Variants in PRKG1 observed in about 807,000 individuals in gnomAD.
PRKG1 encodes cGMP-dependent protein kinase 1.
PRKG1 carries 35 observed loss-of-function variants against 88.1 expected under a neutral mutation model. The ratio of observed to expected loss-of-function variants is 0.40; its 90% CI spans 0.30 to 0.53. The LOEUF (loss-of-function observed/expected upper bound fraction) is 0.53. Ranked by LOEUF, PRKG1 falls within the 20% of genes least tolerant of loss-of-function variation. PRKG1 has a pLI of 0.59. For missense variants in PRKG1, 540 were observed against 839.8 expected (o/e 0.64, Z 4.41); for synonymous variants, 303 against 292.5 (o/e 1.04, Z -0.37).
chr10:51,852,421 GA>G (rs557371895), intron 4 of PRKG1, among the ~76,000 whole-genome samples: 133 of 151,688 alleles, frequency 8.8e-4, no homozygotes, highest in African/African-American at 3.0e-3. Flanking sequence ...GTGAATAACA[GA>G]ATGCTGTTGC....
chr10:51,729,663 T>C (rs1284789817), intron 3 of PRKG1, among the ~76,000 whole-genome samples: 1 of 118,726 alleles, frequency 8.4e-6, no homozygotes, highest in Non-Finnish European at 1.6e-5. Flanking sequence ...GCCGAGGTCA[T>C]GCAACTGCAC....
At chr10:51,205,767 C>T (rs1406926292) in intron 2 of PRKG1, among the ~76,000 whole-genome samples, 1 of 152,050 alleles carries the variant, frequency 6.6e-6, no homozygotes, top group Non-Finnish European at 1.5e-5. Flanking sequence ...CTCCTGGCCT[C>T]AGGTGATCCA....
chr10:52,126,824 C>T (rs1847941950), intron 7 of PRKG1, among the ~76,000 whole-genome samples: 1 of 152,090 alleles, frequency 6.6e-6, no homozygotes, highest in African/African-American at 2.4e-5. Context: ...TATCTGTCAC[C>T]AGTGCAGCAG....
intron 2 of PRKG1, among the ~76,000 whole-genome samples, chr10:51,465,685 C>T (rs1008578579): frequency 4.6e-5 from 7 of 152,214 alleles, no homozygotes; most frequent in African/African-American, 1.4e-4. Flanking sequence ...TCTCCTCAAC[C>T]CCCCATAGAG....
chr10:51,632,416 T>A (rs1751600257), intron 3 of PRKG1, among the ~76,000 whole-genome samples: 1 of 152,178 alleles, frequency 6.6e-6, no homozygotes, highest in Non-Finnish European at 1.5e-5. Flanking sequence ...ATAGGCTGAA[T>A]TTTTTCCAAT....
chr10:52,072,469 A>G (rs140185146), intron 7 of PRKG1, among the ~76,000 whole-genome samples: 3 of 152,294 alleles, frequency 2.0e-5, no homozygotes, highest in Non-Finnish European at 4.4e-5. Context: ...GGAAAAGCAC[A>G]GAGTATCATA....
At chr10:51,554,391 A>G (rs959237374) in intron 3 of PRKG1, among the ~76,000 whole-genome samples, 1 of 142,962 alleles carries the variant, frequency 7.0e-6, no homozygotes, top group South Asian at 2.2e-4. Flanking sequence ...ATATACATAT[A>G]TGTATATATA....
At position 51,691,368 on chromosome 10, in the gene PRKG1, C is replaced by T. The variant is rs370544786; in HGVS notation, c.593-113217C>T. ...TGTCACCCAGGCTGGAGTGCAGTGG[C>T]GAGATCCCGGCTCACTGCAGCCTCC... On this transcript the variant is annotated intron_variant, in intron 3 of 17. Transcript: ENST00000373980. Among the ~76,000 whole-genome samples, 171 of 147,504 alleles carry T rather than the reference C, an allele frequency of 1.2e-3. No homozygotes were observed. In the Middle Eastern group the frequency reaches 0.021, roughly 18 times the overall value.
At chr10:51,673,358 G>T (rs1345083902) in intron 3 of PRKG1, among the ~76,000 whole-genome samples, 1 of 152,210 alleles carries the variant, frequency 6.6e-6, no homozygotes, top group African/African-American at 2.4e-5. Flanking sequence ...AGAGACCAGT[G>T]AAAGTGAGGG....
At position 51,631,117 on chromosome 10, in the gene PRKG1, C is replaced by G. The variant is rs1039700498; in HGVS notation, c.592+163281C>G. Among the ~76,000 whole-genome samples, 15 of 152,304 alleles carry G rather than the reference C, an allele frequency of 9.8e-5. No individual in the cohort carries two copies. The East Asian group carries it at 2.9e-3, about 29-fold the overall frequency. On this transcript the variant is annotated intron_variant, in intron 3 of 17. Transcript: ENST00000373980. ...TGTAAATCACCTGTTGTGCTGAACCCATAATTTAAGTAGTATTCTTGGTAT... is the reference window on the plus strand; with the variant it reads ...TGTAAATCACCTGTTGTGCTGAACCGATAATTTAAGTAGTATTCTTGGTAT...
intron 4 of PRKG1, among the ~76,000 whole-genome samples, chr10:51,835,976 T>C (rs1372988044): frequency 6.6e-6 from 1 of 152,212 alleles, no homozygotes; most frequent in Non-Finnish European, 1.5e-5. Flanking sequence ...CATTTCTCTG[T>C]GATTAGAGAT....
chr10:52,014,584 G>T lies in PRKG1; in HGVS notation c.763-39900G>T, dbSNP rs1397039127. ...CTTTACACATTTCAAAATTAATCAT[G>T]CCTTTCCAACAGTACCCCAAAGTCT... On this transcript the variant is annotated intron_variant, in intron 5 of 17. Transcript: ENST00000373980. Among the ~76,000 whole-genome samples the T allele has an allele frequency of 2.0e-5, 3 of 152,122 alleles. No individual in the cohort carries two copies. In the East Asian group the frequency reaches 5.8e-4, roughly 29 times the overall value.
intron 2 of PRKG1, among the ~76,000 whole-genome samples, chr10:51,271,407 C>T (rs565738391): frequency 8.5e-5 from 13 of 152,120 alleles, no homozygotes; most frequent in African/African-American, 3.1e-4. Context: ...ATTGGGTTTG[C>T]TTACGGAAAA....
intron 5 of PRKG1, among the ~76,000 whole-genome samples, chr10:52,050,050 A>T (rs1382229256): frequency 2.1e-5 from 3 of 142,834 alleles, no homozygotes; most frequent in African/African-American, 5.1e-5. Context: ...AGAGAGAGAG[A>T]GTGTGTTCAT....
At chr10:51,498,463 A>G (rs778772858) in intron 3 of PRKG1, among the ~76,000 whole-genome samples, 4 of 152,210 alleles carry the variant, frequency 2.6e-5, no homozygotes, top group African/African-American at 4.8e-5. Context: ...CATGGCTGAA[A>G]TTTTTAACAT....
intron 5 of PRKG1, among the ~76,000 whole-genome samples, chr10:51,929,560 A>G (rs1402485737): frequency 1.3e-5 from 2 of 151,988 alleles, no homozygotes; most frequent in Admixed American, 6.6e-5. Context: ...CATGTTGGCC[A>G]GGCTGGCCTT....
intron 1 of PRKG1, among the ~76,000 whole-genome samples, chr10:51,040,721 T>A (rs1454668488): frequency 1.3e-5 from 2 of 152,182 alleles, no homozygotes; most frequent in Non-Finnish European, 2.9e-5. Flanking sequence ...GTAGCTATTG[T>A]AAATGGGATT....
At chr10:52,277,170 A>G (rs1314982825) in intron 12 of PRKG1, among the ~76,000 whole-genome samples, 2 of 152,138 alleles carry the variant, frequency 1.3e-5, no homozygotes, top group African/African-American at 4.8e-5. Context: ...TTCGTGGTGA[A>G]AAAGGGAGAG....
intron 3 of PRKG1, chr10:51,699,403 GTATACCAGCC>G: frequency 6.2e-7 from 1 of 1,613,918 alleles, no homozygotes; most frequent in Non-Finnish European, 8.5e-7. Context: ...TCTCTCTATC[GTATACCAGCC>G]GGAAACTGAC....
Sources: gnomAD v4.1 joint callset for allele counts (sites outside exome capture counted in the v4.1 genomes callset) on GRCh38, gnomAD v4.1.1 for gene constraint, MANE v1.5 for transcripts, NCBI Gene and HGNC (gene_info 2026-07-23, HGNC 2026-07-21) for gene names.